The following RIMS2 variants were observed in gnomAD, a reference collection of about 807,000 sequenced individuals.
RIMS2 encodes regulating synaptic membrane exocytosis protein 2.
In RIMS2, 59 loss-of-function variants were observed where a neutral mutation model predicts 174.4. The observed-to-expected ratio is 0.34, with a 90% confidence interval of 0.27 to 0.42. The LOEUF is 0.42. Ranked by LOEUF, RIMS2 falls within the 10% of genes least tolerant of loss-of-function variation. The pLI is 1.00. For synonymous variants in RIMS2, 606 were observed against 572.5 expected (o/e 1.06, Z -0.84); for missense variants, 1,620 against 1,666.3 (o/e 0.97, Z 0.48).
At chr8:103,545,032 T>A (rs1844359016) in intron 1 of RIMS2, among the ~76,000 whole-genome samples, 1 of 152,212 alleles carries the variant, frequency 6.6e-6, no homozygotes, top group Non-Finnish European at 1.5e-5. Flanking sequence ...CAATGGTTCT[T>A]AACCAGGCTT....
chr8:104,042,940 T>C (rs1393840944), intron 19 of RIMS2, among the ~76,000 whole-genome samples: 2 of 151,404 alleles, frequency 1.3e-5, no homozygotes, highest in Non-Finnish European at 3.0e-5. Context: ...CTTATTTACA[T>C]TTAAGGAATG....
At chr8:103,586,860 C>T (rs1386266181) in intron 1 of RIMS2, among the ~76,000 whole-genome samples, 9 of 151,438 alleles carry the variant, frequency 5.9e-5, no homozygotes, top group Admixed American at 5.9e-4. Context: ...AGAAAAAAAA[C>T]CCAGAAGATC....
At chr8:103,725,813 T>G (rs1364870857) in intron 2 of RIMS2, among the ~76,000 whole-genome samples, 2 of 152,232 alleles carry the variant, frequency 1.3e-5, no homozygotes, top group African/African-American at 4.8e-5. Flanking sequence ...AATTTTATAT[T>G]CTTACCAGCC....
chr8:103,868,211 T>C (rs1364754555), intron 3 of RIMS2, among the ~76,000 whole-genome samples: 1 of 152,058 alleles, frequency 6.6e-6, no homozygotes, highest in Non-Finnish European at 1.5e-5. Flanking sequence ...GGTTCTAGTA[T>C]TATAAATTTT....
chr8:104,234,862 T>A (rs1323163545), intron 19 of RIMS2, among the ~76,000 whole-genome samples: 2 of 152,132 alleles, frequency 1.3e-5, no homozygotes, highest in East Asian at 3.9e-4. Context: ...CCTTTTCAAC[T>A]CCACATGTTG....
At chr8:103,860,154 G>T (rs1420652214) in intron 3 of RIMS2, among the ~76,000 whole-genome samples, 1 of 152,096 alleles carries the variant, frequency 6.6e-6, no homozygotes, top group African/African-American at 2.4e-5. Flanking sequence ...AGCACTGATT[G>T]GAGAAAAATA....
intron 3 of RIMS2, among the ~76,000 whole-genome samples, chr8:103,868,824 TATAA>T (rs1418294163): frequency 6.6e-6 from 1 of 152,160 alleles, no homozygotes; most frequent in African/African-American, 2.4e-5. Context: ...AGTGACGATC[TATAA>T]ATAGCTACAA....
At chr8:104,103,892 T>A (rs931899540) in intron 19 of RIMS2, among the ~76,000 whole-genome samples, 12 of 152,154 alleles carry the variant, frequency 7.9e-5, no homozygotes, top group Non-Finnish European at 1.6e-4. Flanking sequence ...ACTCATGACT[T>A]CACAGTCACT....
At chr8:103,813,756 T>C (rs879236360) in intron 3 of RIMS2, among the ~76,000 whole-genome samples, 1 of 152,226 alleles carries the variant, frequency 6.6e-6, no homozygotes, top group Non-Finnish European at 1.5e-5. Context: ...GGCTGCATAG[T>C]ATTCCATGGT....
chr8:103,911,880 G>C (rs2075744526), intron 5 of RIMS2, among the ~76,000 whole-genome samples, 173 bp from the exon 9 acceptor site: 1 of 152,088 alleles, frequency 6.6e-6, no homozygotes, highest in African/African-American at 2.4e-5. Flanking sequence ...GCATAATATA[G>C]TACACCCTTA....
chr8:104,175,316 T>C (rs1454786326), intron 19 of RIMS2, among the ~76,000 whole-genome samples: 1 of 152,128 alleles, frequency 6.6e-6, no homozygotes, highest in African/African-American at 2.4e-5. Context: ...TTTTTGTGTA[T>C]ATATTTTTAT....
chr8:103,924,031 T>TTATC (rs1271006723), intron 10 of RIMS2, among the ~76,000 whole-genome samples: 1 of 151,670 alleles, frequency 6.6e-6, no homozygotes, highest in Non-Finnish European at 1.5e-5. Flanking sequence ...CTATTATAGG[T>TTATC]TATCTTGCTT....
chr8:104,244,036 G>A (rs1409892474), intron 19 of RIMS2, among the ~76,000 whole-genome samples: 1 of 151,974 alleles, frequency 6.6e-6, no homozygotes. Flanking sequence ...CTCACCTCTC[G>A]TTAAGTCCCA....
At chr8:103,565,747 G>A (rs886888391) in intron 1 of RIMS2, among the ~76,000 whole-genome samples, 2 of 152,198 alleles carry the variant, frequency 1.3e-5, no homozygotes, top group Non-Finnish European at 2.9e-5. Flanking sequence ...GAGTATCAGT[G>A]ATGCCAGTGG....
At chr8:103,931,153 A>G in intron 11 of RIMS2, 110 bp from the exon 14 acceptor site, 1 of 742,508 alleles carries the variant, frequency 1.3e-6, no homozygotes, top group Non-Finnish European at 2.2e-6. Flanking sequence ...AGTAAAGTTT[A>G]TATTCTGTGC....
chr8:104,205,367 G>C (rs577902219), intron 19 of RIMS2, among the ~76,000 whole-genome samples: 109 of 152,198 alleles, frequency 7.2e-4, no homozygotes, highest in African/African-American at 2.5e-3. Flanking sequence ...TTTCTGGCTT[G>C]AGTGTTTGCC....
chr8:103,555,868 G>A (rs548974038), intron 1 of RIMS2, among the ~76,000 whole-genome samples: 23 of 151,272 alleles, frequency 1.5e-4, no homozygotes, highest in Non-Finnish European at 2.4e-4. Context: ...TTAAAAAGAA[G>A]GAAATCCTAT....
chr8:104,178,805 A>G (rs1388293904), intron 19 of RIMS2, among the ~76,000 whole-genome samples: 1 of 152,152 alleles, frequency 6.6e-6, no homozygotes, highest in Non-Finnish European at 1.5e-5. Flanking sequence ...TGTACACCCA[A>G]TCATGCATAC....
At chr8:103,946,914 A>G (rs764184195) in intron 14 of RIMS2, among the ~76,000 whole-genome samples, 3 of 152,190 alleles carry the variant, frequency 2.0e-5, no homozygotes, top group Non-Finnish European at 4.4e-5. Context: ...GATAAATTGA[A>G]CCTAATTTAG....
Sources: gnomAD v4.1 joint callset for allele counts (sites outside exome capture counted in the v4.1 genomes callset) on GRCh38, gnomAD v4.1.1 for gene constraint, MANE v1.5 for transcripts, NCBI Gene and HGNC (gene_info 2026-07-23, HGNC 2026-07-21) for gene names.